CRPPA: variants seen among roughly 807,000 people sequenced by gnomAD.
The protein encoded by CRPPA is D-ribitol-5-phosphate cytidylyltransferase.
In CRPPA, 43 loss-of-function variants were observed where a neutral mutation model predicts 52.0. That is an observed-to-expected ratio of 0.83 (90% CI 0.65 to 1.07). The LOEUF (loss-of-function observed/expected upper bound fraction) is 1.07, where lower values mean the gene tolerates loss of function less well. Ranked by LOEUF, CRPPA falls within the 50% of genes least tolerant of loss-of-function variation. CRPPA has a pLI of 0.00. For synonymous variants in CRPPA, 250 were observed against 203.5 expected (o/e 1.23, Z -1.94); for missense variants, 629 against 551.7 (o/e 1.14, Z -1.40).
At chr7:16,148,912 A>T (rs1783024218) in intron 9 of CRPPA, among the ~76,000 whole-genome samples, 1 of 152,184 alleles carries the variant, frequency 6.6e-6, no homozygotes, top group Non-Finnish European at 1.5e-5. Context: ...TGTGTACCAA[A>T]ATATCACTCT....
chr7:16,414,539 A>G (rs1227792299), intron 1 of CRPPA, among the ~76,000 whole-genome samples: 2 of 152,200 alleles, frequency 1.3e-5, no homozygotes, highest in Non-Finnish European at 1.5e-5. Context: ...TTGTGAGTGA[A>G]TGTTATGGTT....
intron 9 of CRPPA, chr7:16,209,273 C>CTTTTTTGTTTTTTTTTTTTTTTT (rs1782058809): frequency 8.2e-6 from 1 of 122,066 alleles, no homozygotes; most frequent in Non-Finnish European, 1.8e-5. Context: ...TTCTAAGTGT[C>CTTTTTTGTTTTTTTTTTTTTTTT]TTTTTTTTTT....
In CRPPA at chr7:16,413,174, G is replaced by A. The variant is rs373367714; in HGVS notation, c.258-6837C>T. On this transcript the variant is annotated intron_variant, in intron 1 of 9. Transcript: ENST00000407010. Reference sequence around the variant, plus strand: ...TCTATTTCTCCATACTGACCCTGACGTTTTAGCAGCAAAATATTGAACTGG... The same window carrying A: ...TCTATTTCTCCATACTGACCCTGACATTTTAGCAGCAAAATATTGAACTGG... Among the ~76,000 whole-genome samples, 260 of 152,230 alleles carry A rather than the reference G, an allele frequency of 1.7e-3. 6 individuals carry two copies. The South Asian group carries it at 0.05, about 30-fold the overall frequency.
intron 5 of CRPPA, among the ~76,000 whole-genome samples, chr7:16,292,711 C>T (rs1784589010): frequency 6.6e-6 from 1 of 151,908 alleles, no homozygotes; most frequent in East Asian, 1.9e-4. Context: ...CATGATTCAA[C>T]AAAATGTAGT....
chr7:16,175,125 T>A (rs997831157), intron 9 of CRPPA, among the ~76,000 whole-genome samples: 2 of 152,164 alleles, frequency 1.3e-5, no homozygotes, highest in African/African-American at 4.8e-5. Context: ...GGCAAAGTCT[T>A]AATATTAAAG....
chr7:16,256,829 G>A (rs1291633974), intron 8 of CRPPA, among the ~76,000 whole-genome samples: 1 of 152,032 alleles, frequency 6.6e-6, no homozygotes, highest in Non-Finnish European at 1.5e-5. Context: ...AAGTTGATGG[G>A]TGTAGCATAC....
intron 3 of CRPPA, among the ~76,000 whole-genome samples, chr7:16,365,025 G>T (rs1258170925): frequency 6.6e-6 from 1 of 152,204 alleles, no homozygotes; most frequent in Admixed American, 6.5e-5. Flanking sequence ...CCCTGCCTCA[G>T]ATTCCCTTGG....
At chr7:16,400,143 C>T (rs942792065) in intron 2 of CRPPA, among the ~76,000 whole-genome samples, 6 of 152,098 alleles carry the variant, frequency 3.9e-5, no homozygotes, top group African/African-American at 1.4e-4. Context: ...ATGGTTGACA[C>T]GTGATTGACA....
At chr7:16,367,182 A>T (rs1469027616) in intron 3 of CRPPA, among the ~76,000 whole-genome samples, 1 of 151,264 alleles carries the variant, frequency 6.6e-6, no homozygotes, top group Non-Finnish European at 1.5e-5. Context: ...TTTAAAAAAA[A>T]AACTTATGCC....
intron 9 of CRPPA, among the ~76,000 whole-genome samples, chr7:16,194,680 T>C (rs1350008972): frequency 2.6e-5 from 4 of 152,078 alleles, no homozygotes; most frequent in Admixed American, 2.0e-4. Context: ...ACCAATTGAA[T>C]TGCAGTGTAT....
At chr7:16,108,890 G>T (rs1300753234) in intron 9 of CRPPA, among the ~76,000 whole-genome samples, 1 of 151,768 alleles carries the variant, frequency 6.6e-6, no homozygotes, top group Admixed American at 6.6e-5. Flanking sequence ...AGAAAAATTT[G>T]TTAAATATTT....
chr7:16,214,024 C>T (rs140910798), intron 9 of CRPPA, among the ~76,000 whole-genome samples: 88 of 152,154 alleles, frequency 5.8e-4, no homozygotes, highest in African/African-American at 1.9e-3. Flanking sequence ...AAACTTTATA[C>T]TACGTATAAA....
At chr7:16,371,275 A>G (rs1284333655) in intron 3 of CRPPA, among the ~76,000 whole-genome samples, 1 of 152,156 alleles carries the variant, frequency 6.6e-6, no homozygotes, top group East Asian at 1.9e-4. Flanking sequence ...TAAATAAAAT[A>G]CTGGAGAAAA....
At chr7:16,179,499 A>AATG in intron 9 of CRPPA, among the ~76,000 whole-genome samples, 1 of 152,066 alleles carries the variant, frequency 6.6e-6, no homozygotes, top group East Asian at 1.9e-4. Flanking sequence ...GATGGGTAAG[A>AATG]GAGAGAGGTG....
chr7:16,179,070 G>T lies in CRPPA; in HGVS notation c.1251+36996C>A, dbSNP rs545451825. On this transcript the variant is annotated intron_variant, in intron 9 of 9. Coordinates refer to ENST00000407010, the MANE Select transcript of CRPPA (RefSeq NM_001101426.4). ...TGGAAAATCAAATTCTAATTTCATG[G>T]TAAAGCAATCAGAAAAGTAATACAG... is the stretch of plus-strand genomic sequence containing the variant. 2.6e-5 allele frequency among the ~76,000 whole-genome samples: 4 copies of T among 152,072 alleles called. No homozygotes were observed. The East Asian group carries it at 7.7e-4, about 29-fold the overall frequency.
intron 2 of CRPPA, among the ~76,000 whole-genome samples, chr7:16,384,112 G>T (rs141765954): frequency 6.6e-6 from 1 of 152,156 alleles, no homozygotes; most frequent in African/African-American, 2.4e-5. Flanking sequence ...GCTGTAGACC[G>T]GAGCTGTTCC....
In CRPPA at chr7:16,091,580, T is replaced by A. The variant is rs1200540941; in HGVS notation, c.*115A>T. On this transcript the variant is annotated 3_prime_UTR_variant, in exon 10 of 10. Transcript: ENST00000407010. ...TCTAAGCATCACATCCTACAAATTA[T>A]AGAGAAGATATAAAAGACAACTGAA... 1.6e-6 allele frequency: 1 copy of A among 624,826 alleles called. No homozygotes were observed. Among genetic ancestry groups the A allele is most frequent in the African/African-American group, 1.9e-5 (1 of 51,544 alleles). The allele number at this position is 624,826 out of a possible 1,614,324, so 38.7% of individuals were successfully genotyped here.
intron 5 of CRPPA, among the ~76,000 whole-genome samples, chr7:16,291,988 T>C (rs1052889248): frequency 1.3e-5 from 2 of 152,098 alleles, no homozygotes; most frequent in African/African-American, 4.8e-5. Context: ...ATGCACTTTA[T>C]GGTAGATGAA....
chr7:16,260,034 G>C (rs1783754226), intron 6 of CRPPA, among the ~76,000 whole-genome samples: 1 of 151,688 alleles, frequency 6.6e-6, no homozygotes, highest in African/African-American at 2.4e-5. Context: ...TAAGAAAAAA[G>C]CCAAAAAGTC....
Sources: gnomAD v4.1 joint callset for allele counts (sites outside exome capture counted in the v4.1 genomes callset) on GRCh38, gnomAD v4.1.1 for gene constraint, MANE v1.5 for transcripts, NCBI Gene and HGNC (gene_info 2026-07-23, HGNC 2026-07-21) for gene names.